SLC24A2: variants seen among roughly 807,000 people sequenced by gnomAD.
SLC24A2 encodes sodium/potassium/calcium exchanger 2.
In SLC24A2, 36 loss-of-function variants were observed where a neutral mutation model predicts 62.0. The ratio of observed to expected loss-of-function variants is 0.58; its 90% confidence interval spans 0.44 to 0.77. The LOEUF (loss-of-function observed/expected upper bound fraction) is 0.77. Among genes scored for constraint, SLC24A2 ranks in the 30% least tolerant of loss-of-function variants. The probability of loss-of-function intolerance (pLI) is 0.00; values close to 1 mark genes in which losing one functional copy is unlikely to be tolerated. For synonymous variants in SLC24A2, 358 were observed against 294.0 expected, an observed-to-expected ratio of 1.22 and a Z score of -2.23; for missense variants, 846 against 817.9, an observed-to-expected ratio of 1.03 and a Z score of -0.42.
At chr9:20,069,762 A>C in the SLC24A2 span, among the ~76,000 whole-genome samples, 1 of 152,142 alleles carries the variant, frequency 6.6e-6, no homozygotes, top group Non-Finnish European at 1.5e-5. Context: ...TTTTTACTCA[A>C]CATTATATTT....
chr9:19,809,385 A>G, the SLC24A2 span, among the ~76,000 whole-genome samples: 4 of 152,220 alleles, frequency 2.6e-5, no homozygotes, highest in African/African-American at 9.6e-5. Context: ...TTACAAAACT[A>G]ACGTACCTGG....
At chr9:20,057,805 A>G in the SLC24A2 span, among the ~76,000 whole-genome samples, 6 of 152,194 alleles carry the variant, frequency 3.9e-5, no homozygotes, top group Non-Finnish European at 8.8e-5. Context: ...GGTAGATATT[A>G]TCTTCATTTT....
At chr9:20,179,435 T>G in the SLC24A2 span, among the ~76,000 whole-genome samples, 14 of 152,184 alleles carry the variant, frequency 9.2e-5, no homozygotes, top group Non-Finnish European at 2.1e-4. Context: ...TCATGACTGA[T>G]GGCGGTGATA....
At chr9:20,046,606 G>A in the SLC24A2 span, among the ~76,000 whole-genome samples, 2 of 152,166 alleles carry the variant, frequency 1.3e-5, no homozygotes, top group Non-Finnish European at 2.9e-5. Flanking sequence ...TCGGGGGGCA[G>A]TAAAAGGAGA....
intron 2 of SLC24A2, among the ~76,000 whole-genome samples, chr9:19,784,376 C>G: frequency 6.6e-6 from 1 of 152,142 alleles, no homozygotes; most frequent in East Asian, 1.9e-4. Context: ...AACATTCAGC[C>G]AAGTCTCTAA....
At chr9:19,693,261 T>C (rs959969347) in intron 2 of SLC24A2, among the ~76,000 whole-genome samples, 1 of 152,134 alleles carries the variant, frequency 6.6e-6, no homozygotes, top group Non-Finnish European at 1.5e-5. Context: ...GTGGCACTAT[T>C]CACAATAGCA....
At chr9:19,831,598 T>C in the SLC24A2 span, among the ~76,000 whole-genome samples, 1 of 152,206 alleles carries the variant, frequency 6.6e-6, no homozygotes, top group East Asian at 1.9e-4. Context: ...CACTGCTTCA[T>C]AGGTTTTTTA....
the SLC24A2 span, among the ~76,000 whole-genome samples, chr9:19,888,573 G>A: frequency 6.6e-6 from 1 of 152,174 alleles, no homozygotes; most frequent in Admixed American, 6.5e-5. Flanking sequence ...CATTAAATAT[G>A]CCATTTATTT....
At chr9:19,568,732 T>A (rs909583871) in intron 7 of SLC24A2, among the ~76,000 whole-genome samples, 16 of 152,200 alleles carry the variant, frequency 1.1e-4, no homozygotes, top group African/African-American at 3.9e-4. Context: ...CTGTATTCAT[T>A]TAACCCATTA....
At chr9:20,132,887 A>T in the SLC24A2 span, among the ~76,000 whole-genome samples, 1 of 152,134 alleles carries the variant, frequency 6.6e-6, no homozygotes, top group Non-Finnish European at 1.5e-5. Context: ...AGCAGGTTAG[A>T]TCTTACTAAG....
the SLC24A2 span, among the ~76,000 whole-genome samples, chr9:20,008,049 C>A: frequency 1.3e-5 from 2 of 151,728 alleles, no homozygotes; most frequent in Non-Finnish European, 2.9e-5. Context: ...GTGCGCACCA[C>A]CATGCCCAGG....
intron 2 of SLC24A2, among the ~76,000 whole-genome samples, chr9:19,766,403 A>G (rs1445082153): frequency 2.0e-5 from 3 of 152,152 alleles, no homozygotes; most frequent in African/African-American, 4.8e-5. Context: ...TTTTTAGCCT[A>G]CTTGCTCTGT....
chr9:19,613,989 A>G (rs1372462987), intron 4 of SLC24A2, among the ~76,000 whole-genome samples: 1 of 152,208 alleles, frequency 6.6e-6, no homozygotes, highest in East Asian at 1.9e-4. Flanking sequence ...AGCACTCAGC[A>G]TAGTGCCTGG....
intron 7 of SLC24A2, among the ~76,000 whole-genome samples, chr9:19,551,404 G>C (rs147372705): frequency 3.4e-4 from 52 of 152,280 alleles, no homozygotes; most frequent in African/African-American, 1.2e-3. Context: ...AAGAGATGGA[G>C]GGGGAGGGTC....
intron 2 of SLC24A2, among the ~76,000 whole-genome samples, chr9:19,666,160 C>T (rs1016229725): frequency 6.6e-6 from 1 of 152,114 alleles, no homozygotes; most frequent in African/African-American, 2.4e-5. Flanking sequence ...AATCCCAGCA[C>T]TTTGAGAGGC....
chr9:20,030,574 C>G, the SLC24A2 span, among the ~76,000 whole-genome samples: 1 of 152,218 alleles, frequency 6.6e-6, no homozygotes, highest in Non-Finnish European at 1.5e-5. Flanking sequence ...TCTTCTGGGA[C>G]TATACTCACA....
chr9:19,586,288 T>C (rs1210150984), intron 5 of SLC24A2, among the ~76,000 whole-genome samples: 1 of 152,170 alleles, frequency 6.6e-6, no homozygotes, highest in Non-Finnish European at 1.5e-5. Flanking sequence ...CTGTTCTCCA[T>C]CTGTGCCCTC....
At position 19,671,099 on chromosome 9, in the gene SLC24A2, T is replaced by C. The variant is rs376382110; in HGVS notation, c.931-48800A>G. ...TCACATGTGAAGAATGATGGTGGTA[T>C]TTGGATGGAAATCGCGTTGAATTTG... On this transcript the variant is annotated intron_variant, in intron 2 of 10. Transcript: ENST00000341998. 1.9e-4 allele frequency among the ~76,000 whole-genome samples: 29 copies of C among 151,740 alleles called. 2 individuals are homozygous for C. The highest frequency in any genetic ancestry group is 6.5e-4 in the African/African-American group (27 of 41,524).
At chr9:19,685,756 T>C (rs539562834) in intron 2 of SLC24A2, among the ~76,000 whole-genome samples, 1 of 152,066 alleles carries the variant, frequency 6.6e-6, no homozygotes, top group Non-Finnish European at 1.5e-5. Flanking sequence ...CCTTACTCCA[T>C]ACACAAAAAT....
Sources: allele counts gnomAD v4.1 joint callset (sites outside exome capture counted in the v4.1 genomes callset), GRCh38; gene constraint gnomAD v4.1.1; transcripts MANE v1.5; gene names NCBI Gene and HGNC (gene_info 2026-07-23, HGNC 2026-07-21).